Variants in VPS13A observed in about 807,000 individuals in gnomAD.
VPS13A encodes vacuolar protein sorting 13 homolog A.
In VPS13A, 264 loss-of-function variants were observed where a neutral mutation model predicts 390.9. The ratio of observed to expected loss-of-function variants is 0.68; its 90% CI spans 0.61 to 0.75. VPS13A has a LOEUF of 0.75. Among genes scored for constraint, VPS13A ranks in the 30% least tolerant of loss-of-function variants. The probability of loss-of-function intolerance (pLI) is 0.00; values close to 1 mark genes in which losing one functional copy is unlikely to be tolerated. For missense variants in VPS13A, 3,409 were observed against 3,733.9 expected (o/e 0.91, Z 2.27); for synonymous variants, 1,231 against 1,227.1 (o/e 1.00, Z -0.07).
At chr9:77,320,552 A>G (rs1346636762) in intron 42 of VPS13A, among the ~76,000 whole-genome samples, 1 of 152,108 alleles carries the variant, frequency 6.6e-6, no homozygotes, top group Admixed American at 6.6e-5. Flanking sequence ...AAGCCAGTTA[A>G]AGTAACAACA....
chr9:77,318,495 T>C lies in VPS13A; in HGVS notation c.5217T>C (p.His1739=). 1 of 1,613,990 alleles carries C rather than the reference T, an allele frequency of 6.2e-7. No individual in the cohort carries two copies. The highest frequency in any genetic ancestry group is 1.1e-5 in the South Asian group (1 of 91,076). Residue 1739 remains histidine (H), a synonymous_variant, in exon 41 of 72, where the codon CAT becomes CAC. Transcript: ENST00000360280. ...IFIVLEAGIG[H]RTVPMLLAKS... The stretch of plus-strand genomic sequence containing the variant: ...TAGTTCTTGAGGCTGGAATTGGTCA[T>C]AGAACAGTACCTATGCTTCTGGCAA...
At chr9:77,193,696 A>G (rs972130189) in intron 1 of VPS13A, among the ~76,000 whole-genome samples, 1 of 152,176 alleles carries the variant, frequency 6.6e-6, no homozygotes, top group South Asian at 2.1e-4. Context: ...ATTTTAAGGT[A>G]AGAAGACACT....
intron 31 of VPS13A, among the ~76,000 whole-genome samples, chr9:77,285,881 C>T (rs1827294168): frequency 2.0e-5 from 3 of 152,114 alleles, no homozygotes; most frequent in Admixed American, 2.0e-4. Flanking sequence ...TCTTCTCTGC[C>T]CTTGTGTTAG....
Position 77,340,178 on chromosome 9 carries a change from G to A in VPS13A, c.6775G>A (p.Val2259Ile). Residue 2259 changes from valine (V) to isoleucine (I), a missense_variant and splice_region_variant, in exon 49 of 72, where the codon GTT (valine) becomes ATT (isoleucine). Coordinates refer to ENST00000360280, the MANE Select transcript of VPS13A (RefSeq NM_033305.3). The part of the protein sequence containing the change: ...QPNHFFNNNK[V>I]QLMVTDSELS... ...TGTATTTGGAATATTTTTTTCCTAG[G>A]TTCAACTTATGGTAACTGATAGTGA... 3 of 1,612,426 alleles carry A rather than the reference G, an allele frequency of 1.9e-6. No individual in the cohort carries two copies. Among genetic ancestry groups the A allele is most frequent in the South Asian group, 1.1e-5 (1 of 90,988 alleles).
chr9:77,317,832 G>T, intron 40 of VPS13A, 134 bp downstream of exon 40: 3 of 546,236 alleles, frequency 5.5e-6, no homozygotes, highest in African/African-American at 1.9e-5. Flanking sequence ...GTTTTTATGA[G>T]ATATTTACAA....
Position 77,209,480 on chromosome 9 carries a change from TA to T in VPS13A, c.449del (p.Asn150IlefsTer4). On this transcript the variant is annotated frameshift_variant, in exon 6 of 72. Transcript: ENST00000360280. LOFTEE classifies it high-confidence loss of function. ...TFAEKLVTQI[I>X]KNLQVKISSI... ...GCAGAAAAATTAGTTACACAGATCA[TA>T]AAAAATCTTCAGGTGAAAATTTCCA... The T allele has an allele frequency of 6.2e-7, 1 of 1,612,472 alleles. No homozygotes were observed. Among genetic ancestry groups the T allele is most frequent in the South Asian group, 1.1e-5 (1 of 90,736 alleles).
chr9:77,392,768 T>C (rs1157708317), intron 68 of VPS13A, among the ~76,000 whole-genome samples: 15 of 148,400 alleles, frequency 1.0e-4, no homozygotes, highest in Admixed American at 8.1e-4. Flanking sequence ...TATATAACTA[T>C]ATAAAACTAT....
At chr9:77,242,394 T>G (rs867486060) in intron 19 of VPS13A, among the ~76,000 whole-genome samples, 2 of 152,180 alleles carry the variant, frequency 1.3e-5, no homozygotes, top group Middle Eastern at 3.2e-3. Flanking sequence ...TTTTCTTTTT[T>G]CACAGAAAAG....
chr9:77,252,400 G>C (rs1332941953), intron 22 of VPS13A, 48 bp downstream of exon 22: 1 of 1,437,182 alleles, frequency 7.0e-7, no homozygotes, highest in Non-Finnish European at 9.8e-7. Flanking sequence ...GGGTAATTCT[G>C]TAGCTAGGGA....
chr9:77,356,640 C>A, intron 54 of VPS13A, 74 bp from the exon 55 acceptor site: 1 of 1,471,608 alleles, frequency 6.8e-7, no homozygotes, highest in Non-Finnish European at 9.3e-7. Flanking sequence ...TATTGTAATT[C>A]ATGTAATAAA....
intron 19 of VPS13A, among the ~76,000 whole-genome samples, chr9:77,245,433 G>T (rs898736995): frequency 1.3e-5 from 2 of 152,210 alleles, no homozygotes; most frequent in Admixed American, 1.3e-4. Flanking sequence ...CATGCCATCT[G>T]TGTTTGAATC....
At chr9:77,342,145 A>G (rs1830863458) in intron 50 of VPS13A, among the ~76,000 whole-genome samples, 1 of 152,156 alleles carries the variant, frequency 6.6e-6, no homozygotes. Context: ...TCGAGAGCTC[A>G]GCTGAGGAGG....
Position 77,260,220 on chromosome 9 carries a change from T to G in VPS13A, c.2423T>G (p.Phe808Cys). The change falls in exon 23 of 72, where the codon TTC (phenylalanine) becomes TGC (cysteine). Residue 808 changes from phenylalanine to cysteine, a missense_variant. By Grantham distance (205) the Phe-to-Cys change is radical. Around this residue, in one of 5 missense-constraint regions of VPS13A, gnomAD observed 2,717 missense variants for 2,917.4 expected, o/e 0.93. Transcript: ENST00000360280. Reference sequence around the variant, plus strand: ...GAAGTATCTGCCCCTGTCAAATCATTCCAGGTAATGTTACTTTCAAAATTA... The same window carrying G: ...GAAGTATCTGCCCCTGTCAAATCATGCCAGGTAATGTTACTTTCAAAATTA... ...VTEVSAPVKS[F>C]QIQTSTSLGT... The G allele has an allele frequency of 6.2e-7, 1 of 1,613,070 alleles. No homozygotes were observed. The highest frequency in any genetic ancestry group is 8.5e-7 in the Non-Finnish European group (1 of 1,179,552).
chr9:77,241,348 C>T (rs1190372139), intron 19 of VPS13A, among the ~76,000 whole-genome samples: 1 of 151,696 alleles, frequency 6.6e-6, no homozygotes, highest in African/African-American at 2.4e-5. Flanking sequence ...TATATTTTTC[C>T]CTTTAGGAAT....
Position 77,314,609 on chromosome 9 carries a change from T to A in VPS13A, c.4357T>A (p.Leu1453Ile), listed in dbSNP as rs138643170. 7.0e-5 allele frequency: 113 copies of A among 1,612,074 alleles called. No homozygotes were observed. Among genetic ancestry groups the A allele is most frequent in the Non-Finnish European group, 9.1e-5 (107 of 1,179,032 alleles). ...TDGSTFSSFS[L>I]KNCILDDKRP... is the part of the protein sequence containing the mutation. ...TGGCTCAACATTTTCTTCCTTCTCA[T>A]TAAAAAACTGTATTTTAGATGATAA... is the stretch of plus-strand genomic sequence containing the variant. The change falls in exon 37 of 72, where the codon TTA becomes ATA. Residue 1453 changes from leucine (L) to isoleucine (I), a missense_variant. Physicochemically the swap from Leu to Ile is conservative, Grantham distance 5. Transcript: ENST00000360280.
intron 1 of VPS13A, among the ~76,000 whole-genome samples, chr9:77,198,197 C>A (rs1825114207): frequency 6.6e-6 from 1 of 151,752 alleles, no homozygotes; most frequent in Non-Finnish European, 1.5e-5. Flanking sequence ...AGTTGAGGGG[C>A]CCGGAATTGG....
At chr9:77,224,041 A>G (rs1823369270) in intron 13 of VPS13A, among the ~76,000 whole-genome samples, 5 of 152,194 alleles carry the variant, frequency 3.3e-5, no homozygotes, top group African/African-American at 7.2e-5. Flanking sequence ...TACTCTGGCT[A>G]TGCTCTATAC....
intron 19 of VPS13A, among the ~76,000 whole-genome samples, chr9:77,240,384 GC>G (rs1451890030): frequency 6.6e-6 from 1 of 150,440 alleles, no homozygotes; most frequent in Non-Finnish European, 1.5e-5. Flanking sequence ...ATCGGACCTG[GC>G]CTGGAAGTTC....
intron 31 of VPS13A, among the ~76,000 whole-genome samples, chr9:77,289,269 C>CT (rs1025616990): frequency 6.6e-6 from 1 of 152,054 alleles, no homozygotes; most frequent in African/African-American, 2.4e-5. Context: ...TTAGATCTTT[C>CT]TTTTTTATCT....
Sources: gnomAD v4.1 joint callset for allele counts (sites outside exome capture counted in the v4.1 genomes callset) on GRCh38, gnomAD v4.1.1 for gene constraint, gnomAD v4.1.1 regional missense constraint, MANE v1.5 for transcripts, NCBI Gene and HGNC (gene_info 2026-07-23, HGNC 2026-07-21) for gene names.